ATP10A: variants seen among roughly 807,000 people sequenced by gnomAD.
ATP10A encodes the protein phospholipid-transporting ATPase VA.
In ATP10A, 111 loss-of-function variants were observed where a neutral mutation model predicts 147.8. That is an observed-to-expected ratio of 0.75 (90% CI 0.64 to 0.88). ATP10A has a LOEUF of 0.88. Among genes scored for constraint, ATP10A ranks in the 40% least tolerant of loss-of-function variants. ATP10A has a pLI of 0.00. For synonymous variants in ATP10A, 875 were observed against 841.6 expected, an observed-to-expected ratio of 1.04 and a Z score of -0.69; for missense variants, 1,927 against 1,959.0, an observed-to-expected ratio of 0.98 and a Z score of 0.31.
Position 25,686,769 on chromosome 15 carries a change from T to A in ATP10A, c.3291+934A>T, listed in dbSNP as rs1307480170. 1.5e-4 allele frequency among the ~76,000 whole-genome samples: 16 copies of A among 106,254 alleles called. 5 individuals carry two copies. The highest frequency in any genetic ancestry group is 2.7e-4 in the Non-Finnish European group (16 of 59,394). 69.7% of individuals were successfully genotyped at this position (106,254 alleles called of 152,430 possible). On this transcript the variant is annotated intron_variant, in intron 16 of 20. Transcript: ENST00000555815. ...AACTCCTCAGTAAAATATCTAGAAA[T>A]CTCTTACAAATGGGGCAGAACTCTG... is the stretch of plus-strand genomic sequence containing the variant.
At chr15:25,805,826 A>C (rs556223530) in intron 1 of ATP10A, among the ~76,000 whole-genome samples, 1 of 152,326 alleles carries the variant, frequency 6.6e-6, no homozygotes, top group African/African-American at 2.4e-5. Context: ...AATTCCCACA[A>C]TTCCCAAACA....
chr15:25,695,816 C>G (rs906642608), intron 13 of ATP10A, among the ~76,000 whole-genome samples: 2 of 151,932 alleles, frequency 1.3e-5, no homozygotes, highest in African/African-American at 4.8e-5. Context: ...CCTTACCTAA[C>G]CCCCCAAGGA....
chr15:25,850,417 C>G (rs560486077), intron 1 of ATP10A, among the ~76,000 whole-genome samples: 19 of 152,264 alleles, frequency 1.2e-4, no homozygotes, highest in Non-Finnish European at 2.4e-4. Flanking sequence ...TGATTTCCAA[C>G]TTGGCAAAAA....
intron 20 of ATP10A, 29 bp downstream of exon 20, chr15:25,680,092 C>T (rs377193909): frequency 1.9e-6 from 3 of 1,607,438 alleles, no homozygotes; most frequent in Non-Finnish European, 2.6e-6. Flanking sequence ...ACTCGGGGCT[C>T]AGAGGCACTA....
chr15:25,751,099 C>T (rs981167197), intron 2 of ATP10A, among the ~76,000 whole-genome samples: 1 of 151,966 alleles, frequency 6.6e-6, no homozygotes, highest in African/African-American at 2.4e-5. Context: ...AAAAAATGCA[C>T]TTTAAATACA....
chr15:25,767,611 C>T (rs1019118999), intron 2 of ATP10A, among the ~76,000 whole-genome samples: 17 of 152,192 alleles, frequency 1.1e-4, no homozygotes, highest in African/African-American at 4.1e-4. Flanking sequence ...GCCTGGAGCA[C>T]CCCAGTGCCT....
chr15:25,803,822 G>A (rs887434282), intron 1 of ATP10A, among the ~76,000 whole-genome samples: 2 of 152,216 alleles, frequency 1.3e-5, no homozygotes, highest in Non-Finnish European at 2.9e-5. Flanking sequence ...GAGTGTAACC[G>A]GGAGCCGCTG....
chr15:25,754,880 T>C (rs1483082853), intron 2 of ATP10A, among the ~76,000 whole-genome samples: 6 of 152,116 alleles, frequency 3.9e-5, no homozygotes, highest in African/African-American at 1.4e-4. Context: ...CTCCACAAAT[T>C]AGGCAGAGGG....
At chr15:25,793,114 A>C (rs944655335) in intron 1 of ATP10A, among the ~76,000 whole-genome samples, 9 of 151,794 alleles carry the variant, frequency 5.9e-5, no homozygotes, top group African/African-American at 1.9e-4. Context: ...CAGGTGATCC[A>C]CCCACCTCGG....
At chr15:25,805,920 C>T (rs1234909250) in intron 1 of ATP10A, among the ~76,000 whole-genome samples, 2 of 152,208 alleles carry the variant, frequency 1.3e-5, no homozygotes, top group African/African-American at 4.8e-5. Flanking sequence ...AAGCCATTTA[C>T]CTTAATGATT....
At chr15:25,855,597 T>C (rs1212258669) in intron 1 of ATP10A, among the ~76,000 whole-genome samples, 1 of 150,516 alleles carries the variant, frequency 6.6e-6, no homozygotes, top group African/African-American at 2.5e-5. Flanking sequence ...GCTAGCATCA[T>C]ACTTAATGGC....
At chr15:25,855,077 A>C (rs199719514) in intron 1 of ATP10A, among the ~76,000 whole-genome samples, 13 of 150,664 alleles carry the variant, frequency 8.6e-5, no homozygotes, top group South Asian at 4.2e-4. Flanking sequence ...AAAAAAAAAA[A>C]CAGAAAAAAA....
At chr15:25,790,436 C>A (rs1271607335) in intron 1 of ATP10A, among the ~76,000 whole-genome samples, 1 of 152,184 alleles carries the variant, frequency 6.6e-6, no homozygotes, top group African/African-American at 2.4e-5. Flanking sequence ...ATACTGGTCG[C>A]TCTGTGGTAA....
chr15:25,790,728 G>A lies in ATP10A; in HGVS notation c.450-9505C>T, dbSNP rs544684209. 2.6e-5 allele frequency among the ~76,000 whole-genome samples: 4 copies of A among 152,148 alleles called. No individual in the cohort carries two copies. In the East Asian group the frequency reaches 7.8e-4, roughly 29 times the overall value. On this transcript the variant is annotated intron_variant, in intron 1 of 20. Transcript: ENST00000555815. ...AGTTTTAACATGAAACTTTTTTTCT[G>A]ACAAATCATTTCTACTGTGGCCTTT...
chr15:25,740,007 C>G (rs918741361), intron 2 of ATP10A, among the ~76,000 whole-genome samples: 1 of 152,212 alleles, frequency 6.6e-6, no homozygotes, highest in Non-Finnish European at 1.5e-5. Flanking sequence ...CCTGGTAGAA[C>G]AGCTGTGTCC....
intron 1 of ATP10A, among the ~76,000 whole-genome samples, chr15:25,811,976 G>C (rs961166020): frequency 5.3e-5 from 8 of 152,192 alleles, no homozygotes. Context: ...GCCCCAGCTG[G>C]TGCAGAAGCA....
chr15:25,721,126 G>A (rs928724036), intron 7 of ATP10A, among the ~76,000 whole-genome samples: 1 of 152,196 alleles, frequency 6.6e-6, no homozygotes, highest in Non-Finnish European at 1.5e-5. Flanking sequence ...CACCAGGTTG[G>A]AAGGAGGCAG....
At chr15:25,720,615 GGA>G (rs1277813207) in intron 7 of ATP10A, among the ~76,000 whole-genome samples, 1 of 152,120 alleles carries the variant, frequency 6.6e-6, no homozygotes, top group Non-Finnish European at 1.5e-5. Flanking sequence ...GAAAAAGAGA[GGA>G]GAGGGAGGCC....
chr15:25,697,979 C>A (rs1900438228), intron 13 of ATP10A, among the ~76,000 whole-genome samples: 1 of 152,170 alleles, frequency 6.6e-6, no homozygotes, highest in Admixed American at 6.5e-5. Context: ...GGCCAGCACT[C>A]TTCAAAATGG....
Sources: allele counts gnomAD v4.1 joint callset (sites outside exome capture counted in the v4.1 genomes callset), GRCh38; gene constraint gnomAD v4.1.1; transcripts MANE v1.5; gene names NCBI Gene and HGNC (gene_info 2026-07-23, HGNC 2026-07-21).